The following ERBB4 variants were observed in gnomAD, a reference collection of about 807,000 sequenced individuals.
The protein encoded by ERBB4 is erb-b2 receptor tyrosine kinase 4.
Under a neutral mutation model 158.0 loss-of-function variants are expected in ERBB4, and 42 were observed. That is an observed-to-expected ratio of 0.27 (90% CI 0.21 to 0.34). ERBB4 has a LOEUF of 0.34. Among genes scored for constraint, ERBB4 ranks in the 10% least tolerant of loss-of-function variants. The pLI is 1.00. For synonymous variants in ERBB4, 583 were observed against 558.7 expected (o/e 1.04, Z -0.61); for missense variants, 1,333 against 1,624.1 (o/e 0.82, Z 3.08).
intron 1 of ERBB4, among the ~76,000 whole-genome samples, chr2:212,220,990 ATCCAAT>A (rs1311017421): frequency 7.3e-5 from 11 of 151,486 alleles, no homozygotes; most frequent in Non-Finnish European, 1.5e-4. Context: ...AATATTAAAC[ATCCAAT>A]TCCTGACATT....
chr2:211,724,010 T>C (rs2106127131), intron 6 of ERBB4, among the ~76,000 whole-genome samples: 1 of 152,284 alleles, frequency 6.6e-6, no homozygotes, highest in African/African-American at 2.4e-5. Context: ...TCTAAGAGTT[T>C]TTGCTATTGC....
At chr2:212,464,366 T>G (rs115379916) in intron 1 of ERBB4, among the ~76,000 whole-genome samples, 1 of 152,118 alleles carries the variant, frequency 6.6e-6, no homozygotes, top group African/African-American at 2.4e-5. Flanking sequence ...GCAAGCATGG[T>G]TCCATTCCGG....
intron 1 of ERBB4, among the ~76,000 whole-genome samples, chr2:212,365,679 C>T (rs2089862487): frequency 6.6e-6 from 1 of 151,838 alleles, no homozygotes; most frequent in African/African-American, 2.4e-5. Flanking sequence ...TCTGACTCTT[C>T]CATAATCAAT....
rs1179473286 is a variant in ERBB4 at position 211,778,977 on chromosome 2, A to G, written c.556+9048T>C. Reference sequence around the variant, plus strand: ...TTGTACCAACATGTATTCTGCTGGTACAAAGCTTCGGGATAATCTCCCACA... The same window carrying G: ...TTGTACCAACATGTATTCTGCTGGTGCAAAGCTTCGGGATAATCTCCCACA... On this transcript the variant is annotated intron_variant, in intron 4 of 27. Transcript: ENST00000342788. 3.3e-5 allele frequency: 5 copies of G among 152,286 alleles called. No homozygotes were observed. In the East Asian group the frequency reaches 9.7e-4, roughly 29 times the overall value. 9.4% of individuals were successfully genotyped at this position (152,286 alleles called of 1,614,324 possible). A position where few individuals can be genotyped will look rare whatever the true frequency, so the allele number is the denominator to read the frequency against.
intron 20 of ERBB4, among the ~76,000 whole-genome samples, chr2:211,433,570 G>C (rs1054876841): frequency 6.9e-5 from 10 of 144,824 alleles, no homozygotes; most frequent in African/African-American, 2.7e-4. Context: ...AACAGAGTGA[G>C]ACTCTCAAAA....
chr2:211,490,228 GA>G (rs1207777564), intron 20 of ERBB4, among the ~76,000 whole-genome samples: 1 of 152,010 alleles, frequency 6.6e-6, no homozygotes, highest in African/African-American at 2.4e-5. Flanking sequence ...CATTCCCAGG[GA>G]AAATTCTTCT....
chr2:211,394,755 A>G lies in ERBB4; in HGVS notation c.3136-6763T>C, dbSNP rs149402856. ...GGTTTTTATCCTAACCTCATAAAGA[A>G]TATCTGATGAAGATTTTTCAGGATG... On this transcript the variant is annotated intron_variant, in intron 25 of 27. Coordinates refer to ENST00000342788, the MANE Select transcript of ERBB4 (RefSeq NM_005235.3). Among the ~76,000 whole-genome samples, 1,033 of 152,144 alleles carry G rather than the reference A, an allele frequency of 6.8e-3. 14 individuals are homozygous for G. Among genetic ancestry groups the G allele is most frequent in the South Asian group, 0.021 (101 of 4,820 alleles).
intron 5 of ERBB4, 46 bp downstream of exon 5, chr2:211,750,593 T>G: frequency 6.7e-7 from 1 of 1,502,274 alleles, no homozygotes; most frequent in Non-Finnish European, 9.3e-7. Context: ...TCATTAAAAT[T>G]CCTTGACCAC....
At chr2:212,268,268 C>T (rs1181807201) in intron 1 of ERBB4, among the ~76,000 whole-genome samples, 1 of 151,726 alleles carries the variant, frequency 6.6e-6, no homozygotes, top group African/African-American at 2.4e-5. Context: ...AATTTAGATC[C>T]TCTGATTTAA....
At chr2:212,341,399 A>G (rs1475112017) in intron 1 of ERBB4, among the ~76,000 whole-genome samples, 1 of 152,048 alleles carries the variant, frequency 6.6e-6, no homozygotes, top group Non-Finnish European at 1.5e-5. Context: ...GCATAGGTAT[A>G]GCCCCTACAG....
intron 2 of ERBB4, among the ~76,000 whole-genome samples, chr2:212,122,382 T>G (rs1575664307): frequency 2.8e-5 from 1 of 36,322 alleles, no homozygotes; most frequent in African/African-American, 8.2e-5. Context: ...ATAAAAAAGA[T>G]ATGTGGAACA....
At chr2:211,550,658 T>C (rs948635941) in intron 20 of ERBB4, among the ~76,000 whole-genome samples, 5 of 146,328 alleles carry the variant, frequency 3.4e-5, no homozygotes, top group Non-Finnish European at 7.5e-5. Flanking sequence ...TAGGAATATA[T>C]AGGTATATAT....
intron 5 of ERBB4, among the ~76,000 whole-genome samples, chr2:211,739,286 G>C (rs964947343): frequency 1.3e-5 from 2 of 151,866 alleles, no homozygotes; most frequent in Non-Finnish European, 2.9e-5. Flanking sequence ...TGTCACCTTT[G>C]TAAAAACTAA....
In ERBB4 at chr2:211,413,312, ACACACACACACAC is replaced by A. The variant is rs2063307935; in HGVS notation, c.3135+7116_3135+7128del. ...CAGAGAGAGACCCTGTCTTAAAAAC[ACACACACACACAC>A]ACACACACACACACACACACACATT... On this transcript the variant is annotated intron_variant, in intron 25 of 27. Transcript: ENST00000342788. Among the ~76,000 whole-genome samples the A allele has an allele frequency of 9.0e-4, 81 of 89,844 alleles. 5 individuals carry two copies. Among genetic ancestry groups the A allele is most frequent in the Admixed American group, 8.9e-3 (79 of 8,832 alleles). 58.9% of individuals were successfully genotyped at this position (89,844 alleles called of 152,430 possible). A position where few individuals can be genotyped will look rare whatever the true frequency, so the allele number is the denominator to read the frequency against.
rs1575071841 is a variant in ERBB4 at position 212,519,293 on chromosome 2, T to C, written c.82+19156A>G. 4.6e-5 allele frequency among the ~76,000 whole-genome samples: 7 copies of C among 152,072 alleles called. No homozygotes were observed. In the South Asian group the frequency reaches 1.5e-3, roughly 32 times the overall value. ...AATACCATTAGAAAAGTGAGAGACA[T>C]GATTCAACTTTGAGTTACAGGTTTT... On this transcript the variant is annotated intron_variant, in intron 1 of 27. Transcript: ENST00000342788.
chr2:212,074,331 CAT>C (rs1308610888), intron 2 of ERBB4, among the ~76,000 whole-genome samples: 1 of 151,842 alleles, frequency 6.6e-6, no homozygotes, highest in Admixed American at 6.6e-5. Context: ...AATCACTAAA[CAT>C]AAAATAAAGA....
chr2:211,947,933 C>A (rs2080749006), intron 2 of ERBB4, among the ~76,000 whole-genome samples: 1 of 152,130 alleles, frequency 6.6e-6, no homozygotes, highest in African/African-American at 2.4e-5. Flanking sequence ...TGCTTATCAA[C>A]AGACTACAAT....
chr2:212,285,910 C>A (rs1176191933), intron 1 of ERBB4, among the ~76,000 whole-genome samples: 1 of 152,038 alleles, frequency 6.6e-6, no homozygotes, highest in African/African-American at 2.4e-5. Context: ...CCCCTTATTT[C>A]TTTCTACATA....
At chr2:212,395,403 T>C (rs2090994980) in intron 1 of ERBB4, among the ~76,000 whole-genome samples, 1 of 151,714 alleles carries the variant, frequency 6.6e-6, no homozygotes, top group Non-Finnish European at 1.5e-5. Flanking sequence ...ATCAAATAAA[T>C]AAATAAATAT....
Sources: allele counts gnomAD v4.1 joint callset (sites outside exome capture counted in the v4.1 genomes callset), GRCh38; gene constraint gnomAD v4.1.1; transcripts MANE v1.5; gene names NCBI Gene and HGNC (gene_info 2026-07-23, HGNC 2026-07-21).